The following PNPLA3 variants were observed in gnomAD, a reference collection of about 807,000 sequenced individuals.
PNPLA3 encodes the protein 1-acylglycerol-3-phosphate O-acyltransferase PNPLA3.
A neutral mutation model predicts 43.1 loss-of-function variants in PNPLA3; 42 were observed. That is an observed-to-expected ratio of 0.97 (90% CI 0.76 to 1.26). PNPLA3 has a LOEUF of 1.26. Ranked by LOEUF, PNPLA3 falls within the 50% of genes most tolerant of loss-of-function variation. The pLI, the probability that PNPLA3 is intolerant of heterozygous loss-of-function variation, is 0.00. For synonymous variants in PNPLA3, 272 were observed against 253.6 expected, an observed-to-expected ratio of 1.07 and a Z score of -0.69; for missense variants, 647 against 621.4, an observed-to-expected ratio of 1.04 and a Z score of -0.44.
chr22:43,937,214 C>T lies in PNPLA3; in HGVS notation c.921C>T (p.Leu307=). The change falls in exon 6 of 9, where the codon CTC becomes CTT. Residue 307 remains leucine, a synonymous_variant. Coordinates refer to ENST00000216180, the MANE Select transcript of PNPLA3 (RefSeq NM_025225.3). ...EGDELLDHLR[L]SILPWDESIL... is the part of the protein sequence containing the mutation. ...ATGAGCTGCTAGACCACCTGCGTCT[C>T]AGCATCCTGCCCTGGGATGAGAGCA... is the stretch of plus-strand genomic sequence containing the variant. 1 of 1,614,158 alleles carries T rather than the reference C, an allele frequency of 6.2e-7. No homozygotes were observed. The highest frequency in any genetic ancestry group is 1.1e-5 in the South Asian group (1 of 91,082).
chr22:43,944,430 G>A (rs2050050265), intron 7 of PNPLA3, among the ~76,000 whole-genome samples: 1 of 152,188 alleles, frequency 6.6e-6, no homozygotes, highest in Non-Finnish European at 1.5e-5. Flanking sequence ...TCCAAGCTGG[G>A]AAGAGCCCTG....
At chr22:43,934,774 C>T in intron 5 of PNPLA3, 108 bp downstream of exon 5, 1 of 1,038,776 alleles carries the variant, frequency 9.6e-7, no homozygotes, top group Admixed American at 1.8e-5. Context: ...TGCCCAACGC[C>T]TTCCTTGTGT....
intron 3 of PNPLA3, 36 bp downstream of exon 3, chr22:43,928,925 G>A: frequency 6.4e-7 from 1 of 1,572,870 alleles, no homozygotes; most frequent in Non-Finnish European, 8.8e-7. Flanking sequence ...TGAGTCCTGG[G>A]GGCCTCTGAA....
intron 5 of PNPLA3, among the ~76,000 whole-genome samples, chr22:43,936,476 C>T (rs1206972438): frequency 6.6e-6 from 1 of 152,148 alleles, no homozygotes; most frequent in African/African-American, 2.4e-5. Context: ...GTGGCTGAGT[C>T]CCAGCACCCA....
At position 43,934,482 on chromosome 22, in the gene PNPLA3, C is replaced by T. The variant is rs558800522; in HGVS notation, c.697-124C>T. 6.6e-4 allele frequency: 642 copies of T among 977,730 alleles called. 1 individual carries two copies. The highest frequency in any genetic ancestry group is 1.8e-3 in the Admixed American group (93 of 51,660). The allele number at this position is 977,730 out of a possible 1,614,324, so 60.6% of individuals were successfully genotyped here. On this transcript the variant is annotated intron_variant, in intron 4 of 8. Transcript: ENST00000216180. ...TGCTCAGCCCCCAGGTGGCTCAGTG[C>T]CCCCAGCCAGCAGACTCAGAGCTTG...
intron 3 of PNPLA3, among the ~76,000 whole-genome samples, chr22:43,929,350 C>T (rs2146777275): frequency 6.6e-6 from 1 of 151,770 alleles, no homozygotes; most frequent in East Asian, 2.0e-4. Flanking sequence ...GTGGTGTGCA[C>T]CTGTAATCCC....
intron 5 of PNPLA3, among the ~76,000 whole-genome samples, chr22:43,935,667 T>G (rs1305898634): frequency 1.6e-3 from 170 of 105,060 alleles, no homozygotes; most frequent in South Asian, 2.7e-3. Flanking sequence ...ACTGGAGGGG[T>G]GGGGATGGGG....
At chr22:43,927,232 C>A in intron 2 of PNPLA3, 65 bp downstream of exon 2, 1 of 1,466,766 alleles carries the variant, frequency 6.8e-7, no homozygotes, top group Non-Finnish European at 9.5e-7. Context: ...GGTGTGGTGG[C>A]TCATGCCTGT....
chr22:43,937,495 G>T (rs904536522), intron 6 of PNPLA3, among the ~76,000 whole-genome samples: 15 of 152,130 alleles, frequency 9.9e-5, no homozygotes, highest in African/African-American at 3.6e-4. Context: ...TTCCCATGGG[G>T]TCATGACCAG....
At chr22:43,944,503 C>G (rs969176331) in intron 7 of PNPLA3, among the ~76,000 whole-genome samples, 188 bp from the exon 8 acceptor site, 1 of 152,082 alleles carries the variant, frequency 6.6e-6, no homozygotes, top group Non-Finnish European at 1.5e-5. Context: ...CTTTCTTGAA[C>G]CAGAAGTGGG....
At chr22:43,930,929 TC>T (rs1428195446) in intron 3 of PNPLA3, among the ~76,000 whole-genome samples, 1 of 152,198 alleles carries the variant, frequency 6.6e-6, no homozygotes, top group East Asian at 1.9e-4. Flanking sequence ...ATCGAGACCA[TC>T]CTGGCTAACA....
intron 3 of PNPLA3, among the ~76,000 whole-genome samples, chr22:43,931,393 A>G (rs12484700): frequency 0.19 from 28,407 of 152,194 alleles, 3,238 homozygotes; most frequent in East Asian, 0.39. Flanking sequence ...AAAGTTGTAC[A>G]TGGCAGGAGA....
At chr22:43,931,972 C>T (rs1239611704) in intron 3 of PNPLA3, among the ~76,000 whole-genome samples, 1 of 152,164 alleles carries the variant, frequency 6.6e-6, no homozygotes, top group Non-Finnish European at 1.5e-5. Flanking sequence ...CTCTCCTGGA[C>T]CTGTTTTAGG....
chr22:43,932,747 C>T, intron 3 of PNPLA3, 131 bp from the exon 4 acceptor site: 1 of 761,900 alleles, frequency 1.3e-6, no homozygotes, highest in South Asian at 1.7e-5. Flanking sequence ...ATTCCAAAGC[C>T]AATGTCCTCC....
chr22:43,934,416 G>T (rs546563156), intron 4 of PNPLA3, among the ~76,000 whole-genome samples, 190 bp from the exon 5 acceptor site: 6 of 151,886 alleles, frequency 4.0e-5, no homozygotes, highest in African/African-American at 1.5e-4. Flanking sequence ...CATTCAAGCC[G>T]AGACCTCCAG....
At chr22:43,939,381 AG>A in intron 6 of PNPLA3, 1 of 981,758 alleles carries the variant, frequency 1.0e-6, no homozygotes, top group Non-Finnish European at 1.2e-6. Context: ...AAATAAAAGC[AG>A]GCTTTCTGGA....
chr22:43,934,316 TAAAAAAAAA>T (rs3083286), intron 4 of PNPLA3, among the ~76,000 whole-genome samples: 1 of 118,072 alleles, frequency 8.5e-6, no homozygotes, highest in Non-Finnish European at 1.7e-5. Flanking sequence ...GACTCTGCCT[TAAAAAAAAA>T]AAAAAAAAAA....
intron 7 of PNPLA3, 138 bp downstream of exon 7, chr22:43,940,263 C>A: frequency 9.3e-7 from 1 of 1,071,232 alleles, no homozygotes; most frequent in Non-Finnish European, 1.3e-6. Context: ...ATGTGCAATG[C>A]CCCTGAATGT....
intron 8 of PNPLA3, among the ~76,000 whole-genome samples, chr22:43,945,271 C>T (rs2146792814): frequency 6.6e-6 from 1 of 152,288 alleles, no homozygotes; most frequent in Non-Finnish European, 1.5e-5. Flanking sequence ...CCCCTGTCCT[C>T]CACCCTCTGT....
Sources: gnomAD v4.1 joint callset for allele counts (sites outside exome capture counted in the v4.1 genomes callset) on GRCh38, gnomAD v4.1.1 for gene constraint, MANE v1.5 for transcripts, NCBI Gene and HGNC (gene_info 2026-07-23, HGNC 2026-07-21) for gene names.